The following LRP1 variants were observed in gnomAD, a reference collection of about 807,000 sequenced individuals.
LRP1 encodes LDL receptor related protein 1.
In LRP1, 51 loss-of-function variants were observed where a neutral mutation model predicts 541.5. The ratio of observed to expected loss-of-function variants is 0.09; its 90% confidence interval spans 0.08 to 0.12. The LOEUF is 0.12. Among genes scored for constraint, LRP1 ranks in the 10% least tolerant of loss-of-function variants. The pLI, the probability that LRP1 is intolerant of heterozygous loss-of-function variation, is 1.00. For missense variants in LRP1, 3,878 were observed against 6,376.2 expected (o/e 0.61, Z 13.34); for synonymous variants, 2,219 against 2,470.8 (o/e 0.90, Z 3.02).
At chr12:57,195,133 G>A in intron 51 of LRP1, 32 bp downstream of exon 51, 1 of 1,605,728 alleles carries the variant, frequency 6.2e-7, no homozygotes, top group East Asian at 2.2e-5. Context: ...CGGGGGAGGT[G>A]CCCCAGGGAG....
rs748791266 is a variant in LRP1 at position 57,191,527 on chromosome 12, C to T, written c.7429+15C>T. 285 of 1,569,122 alleles carry T rather than the reference C, an allele frequency of 1.8e-4. No homozygotes were observed. Among genetic ancestry groups the T allele is most frequent in the Non-Finnish European group, 2.2e-4 (257 of 1,154,178 alleles). ...CACCAACAGCTGTGAGTGGGGCTGC[C>T]GCCAGCTGCCTCACCCTCCTGCCTG... is the stretch of plus-strand genomic sequence containing the variant. On this transcript the variant is annotated intron_variant, in intron 44 of 88. Coordinates refer to ENST00000243077, the MANE Select transcript of LRP1 (RefSeq NM_002332.3).
chr12:57,129,627 C>G (rs2034996052), intron 1 of LRP1, among the ~76,000 whole-genome samples: 1 of 152,210 alleles, frequency 6.6e-6, no homozygotes, highest in South Asian at 2.1e-4. Flanking sequence ...AGGCTCTTCC[C>G]CCTCTCAGGG....
At chr12:57,208,960 G>A (rs371200314) in intron 78 of LRP1, 123 bp from the exon 79 acceptor site, 62 of 1,060,238 alleles carry the variant, frequency 5.8e-5, no homozygotes, top group African/African-American at 2.3e-4. Flanking sequence ...GGCTTTTCCC[G>A]AAAGAGGTGA....
intron 2 of LRP1, 48 bp from the exon 3 acceptor site, chr12:57,141,326 A>T: frequency 6.2e-7 from 1 of 1,611,168 alleles, no homozygotes; most frequent in Non-Finnish European, 8.5e-7. Flanking sequence ...CTGACCAGAG[A>T]GCCACCATAG....
In LRP1 at chr12:57,165,740, G is replaced by A; in HGVS notation, c.2531-65G>A. 6.5e-7 allele frequency: 1 copy of A among 1,528,056 alleles called. No individual in the cohort carries two copies. The allele number at this position is 1,528,056 out of a possible 1,614,324, so 94.7% of individuals were successfully genotyped here. ...GTAAAACAAACAAAAATGGTGCAAAGGGCTTAGTACTTGTCCCACGACCGG... is the reference window on the plus strand; with the variant it reads ...GTAAAACAAACAAAAATGGTGCAAAAGGCTTAGTACTTGTCCCACGACCGG... On this transcript the variant is annotated intron_variant, in intron 15 of 88. Transcript: ENST00000243077. The surrounding 1 kb of genome is among the most constrained non-coding windows in gnomAD (Gnocchi z 4.5).
At chr12:57,174,632 G>A (rs1291893773) in intron 22 of LRP1, among the ~76,000 whole-genome samples, 2 of 152,074 alleles carry the variant, frequency 1.3e-5, no homozygotes, top group South Asian at 2.1e-4. Flanking sequence ...AAAATTAGCC[G>A]GACATGTCTG....
Position 57,159,778 on chromosome 12 carries a change from G to T in LRP1, c.1799-47G>T. 2.5e-6 allele frequency: 4 copies of T among 1,601,172 alleles called. No individual in the cohort carries two copies. In the South Asian group the frequency reaches 4.4e-5, roughly 18 times the overall value. On this transcript the variant is annotated intron_variant, in intron 11 of 88. Transcript: ENST00000243077. ...GGGAGGGCCAGAGGCAGGCAGCTTTGAACTTCCTTTGAAGCTGTTCATCAC... is the reference window on the plus strand; with the variant it reads ...GGGAGGGCCAGAGGCAGGCAGCTTTTAACTTCCTTTGAAGCTGTTCATCAC...
chr12:57,151,992 C>A (rs559900092), intron 6 of LRP1, among the ~76,000 whole-genome samples: 1 of 152,072 alleles, frequency 6.6e-6, no homozygotes, highest in Non-Finnish European at 1.5e-5. Context: ...AACTCCTCAC[C>A]GGCCTGCTGA....
At chr12:57,144,509 G>T in intron 4 of LRP1, 1 of 157,886 alleles carries the variant, frequency 6.3e-6, no homozygotes, top group Non-Finnish European at 1.4e-5. Context: ...CAGTGAAGCC[G>T]TCCCCCGACC....
rs564537115 is a variant in LRP1 at position 57,194,022 on chromosome 12, G to A, written c.7918+10G>A. The A allele has an allele frequency of 2.3e-5, 37 of 1,610,832 alleles. No individual in the cohort carries two copies. Among genetic ancestry groups the A allele is most frequent in the East Asian group, 6.7e-5 (3 of 44,864 alleles). On this transcript the variant is annotated intron_variant, in intron 48 of 88. Transcript: ENST00000243077. ...GATGAGATGAACTGCAGTGAGTGAC[G>A]CCCTTTGCTGGCACCTCCTGGGCTC...
At chr12:57,209,964 C>T (rs2036871000) in intron 80 of LRP1, 65 bp from the exon 81 acceptor site, 2 of 1,586,306 alleles carry the variant, frequency 1.3e-6, no homozygotes, top group South Asian at 2.3e-5. Context: ...GGGGGTCACC[C>T]TGGGCTCACA....
Position 57,201,434 on chromosome 12 carries a change from A to G in LRP1, c.10346-63A>G. The G allele has an allele frequency of 1.3e-6, 2 of 1,556,394 alleles. No individual in the cohort carries two copies. Among genetic ancestry groups the G allele is most frequent in the South Asian group, 2.4e-5 (2 of 81,656 alleles). ...CCAGGGCTTGGAAGAGAGAGAAGACAGTGATGGTGAACTGGAGTGGCAGGT... is the reference window on the plus strand; with the variant it reads ...CCAGGGCTTGGAAGAGAGAGAAGACGGTGATGGTGAACTGGAGTGGCAGGT... On this transcript the variant is annotated intron_variant, in intron 65 of 88. Coordinates refer to ENST00000243077, the MANE Select transcript of LRP1 (RefSeq NM_002332.3). The surrounding 1 kb of genome is among the most constrained non-coding windows in gnomAD (Gnocchi z 6.4).
At chr12:57,137,198 G>T (rs967664663) in intron 1 of LRP1, among the ~76,000 whole-genome samples, 1 of 149,898 alleles carries the variant, frequency 6.7e-6, no homozygotes, top group Non-Finnish European at 1.5e-5. Flanking sequence ...CCAAGATCGT[G>T]CCATTGCACT....
rs1242693908 is a variant in LRP1, at chr12:57,210,293, G to A, written c.12581-14G>A. 6.5e-7 allele frequency: 1 copy of A among 1,549,228 alleles called. No individual in the cohort carries two copies. Among genetic ancestry groups the A allele is most frequent in the Non-Finnish European group, 8.7e-7 (1 of 1,143,946 alleles). On this transcript the variant is annotated splice_polypyrimidine_tract_variant and intron_variant, in intron 81 of 88. Coordinates refer to ENST00000243077, the MANE Select transcript of LRP1 (RefSeq NM_002332.3). ...ATTCCCCTGGCTCTGCCCCTTGACG[G>A]GCCCTTCCTGCAGCTCCCCGGCCTG... is the stretch of plus-strand genomic sequence containing the variant.
At chr12:57,209,577 G>T in intron 79 of LRP1, 115 bp from the exon 80 acceptor site, 2 of 823,014 alleles carry the variant, frequency 2.4e-6, no homozygotes, top group East Asian at 2.5e-5. Flanking sequence ...GAGAGAATTT[G>T]GTCTGGATGT....
chr12:57,180,246 T>G, intron 31 of LRP1, 84 bp from the exon 32 acceptor site: 1 of 1,583,080 alleles, frequency 6.3e-7, no homozygotes, highest in African/African-American at 1.3e-5. Context: ...AGCCCTAGCT[T>G]AGTGCCTGTT....
intron 68 of LRP1, chr12:57,202,811 T>C: frequency 1.7e-6 from 1 of 581,012 alleles, no homozygotes; most frequent in South Asian, 2.0e-5. Flanking sequence ...CCCACCTCTG[T>C]CCCAGAGCCC....
At chr12:57,192,410 C>T (rs1354237500) in intron 44 of LRP1, among the ~76,000 whole-genome samples, 1 of 152,176 alleles carries the variant, frequency 6.6e-6, no homozygotes, top group East Asian at 1.9e-4. Flanking sequence ...TGGTCACTCT[C>T]CTCACTTGGA....
At chr12:57,181,829 G>A (rs1405095782) in intron 34 of LRP1, among the ~76,000 whole-genome samples, 3 of 152,156 alleles carry the variant, frequency 2.0e-5, no homozygotes, top group Non-Finnish European at 4.4e-5. Flanking sequence ...GCTCAGTAAG[G>A]GTTGAAGAAA....
Sources: allele counts gnomAD v4.1 joint callset (sites outside exome capture counted in the v4.1 genomes callset), GRCh38; gene constraint gnomAD v4.1.1; non-coding constraint Gnocchi (gnomAD v3.1); transcripts MANE v1.5; gene names NCBI Gene and HGNC (gene_info 2026-07-23, HGNC 2026-07-21).